Variants in SLC38A8 observed in about 807,000 individuals in gnomAD.
SLC38A8 encodes the protein solute carrier family 38 member 8.
Under a neutral mutation model 46.0 loss-of-function variants are expected in SLC38A8, and 65 were observed. The ratio of observed to expected loss-of-function variants is 1.41; its 90% CI spans 1.16 to 1.74. The LOEUF (loss-of-function observed/expected upper bound fraction) is 1.74, where lower values mean the gene tolerates loss of function less well. Among genes scored for constraint, SLC38A8 ranks in the 40% most tolerant of loss-of-function variants. The pLI is 0.00. For synonymous variants in SLC38A8, 447 were observed against 243.7 expected (o/e 1.83, Z -7.77); for missense variants, 998 against 567.9 (o/e 1.76, Z -7.70).
rs182508545 is a variant in SLC38A8, at chr16:84,042,168, G to A, written c.-2-9C>T. On this transcript the variant is annotated splice_polypyrimidine_tract_variant and intron_variant, in intron 1 of 10. Transcript: ENST00000299709. ...GGTCTGTCCCTCCATGGCTAGAGGC[G>A]GCAGAGGGGTGGAGAGAAAGCACAG... 3.4e-4 allele frequency: 552 copies of A among 1,602,494 alleles called. No homozygotes were observed. The African/African-American group carries it at 5.6e-3, about 16-fold the overall frequency.
intron 9 of SLC38A8, among the ~76,000 whole-genome samples, chr16:84,015,300 G>GCC (rs1265951920): frequency 6.6e-6 from 1 of 152,036 alleles, no homozygotes; most frequent in Non-Finnish European, 1.5e-5. Context: ...CATCCCTCCA[G>GCC]CCCCCACCTT....
chr16:84,023,873 G>C (rs997159356), intron 6 of SLC38A8, among the ~76,000 whole-genome samples: 1 of 152,218 alleles, frequency 6.6e-6, no homozygotes, highest in Non-Finnish European at 1.5e-5. Context: ...CAGCCTGAAA[G>C]ACACAGTGAC....
In SLC38A8 at chr16:84,016,411, A is replaced by C. The variant is rs1219471310; in HGVS notation, c.1162+108T>G. The C allele has an allele frequency of 2.3e-6, 3 of 1,313,806 alleles. No homozygotes were observed. The African/African-American group carries it at 4.4e-5, about 19-fold the overall frequency. 81.4% of individuals were successfully genotyped at this position (1,313,806 alleles called of 1,614,324 possible). ...CCTACATGGGGTCTTAATCCTACCC[A>C]TATGTGGCTCCCACCTTCCAGAACC... On this transcript the variant is annotated intron_variant, in intron 9 of 10. Transcript: ENST00000299709.
At chr16:84,026,041 T>C (rs1024792301) in intron 6 of SLC38A8, among the ~76,000 whole-genome samples, 6 of 152,230 alleles carry the variant, frequency 3.9e-5, no homozygotes, top group Admixed American at 3.3e-4. Context: ...CTCAGCCCCA[T>C]GGCAGGCTCT....
At chr16:84,032,636 C>G (rs890537651) in intron 4 of SLC38A8, among the ~76,000 whole-genome samples, 5 of 152,200 alleles carry the variant, frequency 3.3e-5, no homozygotes, top group Non-Finnish European at 5.9e-5. Context: ...ACAAGCCGCC[C>G]CCTGGCTTGG....
At chr16:84,030,263 G>C (rs1339850671) in intron 5 of SLC38A8, among the ~76,000 whole-genome samples, 1 of 152,108 alleles carries the variant, frequency 6.6e-6, no homozygotes, top group Non-Finnish European at 1.5e-5. Flanking sequence ...TCTTCGGAGG[G>C]AGCATGGCCT....
intron 7 of SLC38A8, among the ~76,000 whole-genome samples, chr16:84,020,868 C>G (rs969339762): frequency 2.0e-5 from 3 of 152,156 alleles, no homozygotes; most frequent in Non-Finnish European, 4.4e-5. Context: ...TTCCTATACG[C>G]GCTGCACTCT....
chr16:84,036,662 C>T (rs373876708), intron 3 of SLC38A8, 40 bp downstream of exon 3: 29 of 1,609,144 alleles, frequency 1.8e-5, no homozygotes, highest in Admixed American at 8.4e-5. Flanking sequence ...ATTAGAGGTC[C>T]GGCACCCTGG....
chr16:84,035,984 A>G lies in SLC38A8; in HGVS notation c.388+718T>C, dbSNP rs186451343. Among the ~76,000 whole-genome samples, 54 of 152,366 alleles carry G rather than the reference A, an allele frequency of 3.5e-4. 1 individual carries two copies. Among genetic ancestry groups the G allele is most frequent in the Middle Eastern group, 3.4e-3 (1 of 294 alleles). On this transcript the variant is annotated intron_variant, in intron 3 of 10. Coordinates refer to ENST00000299709, the MANE Select transcript of SLC38A8 (RefSeq NM_001080442.3). ...ACACTGTACCCAGCAACTGCAGAGT[A>G]CACATTCTCTGAAGAGCACACAAAG...
At position 84,037,023 on chromosome 16, in the gene SLC38A8, A is replaced by G. The variant is rs2326159; in HGVS notation, c.190-123T>C. 305,645 of 977,974 alleles carry G rather than the reference A, an allele frequency of 0.31. 52,062 individuals are homozygous for G. The highest frequency in any genetic ancestry group is 0.57 in the East Asian group (21,575 of 37,706). 60.6% of individuals were successfully genotyped at this position (977,974 alleles called of 1,614,324 possible). On this transcript the variant is annotated intron_variant, in intron 2 of 10. Transcript: ENST00000299709. The stretch of plus-strand genomic sequence containing the variant: ...TCCACAGAGGCCAGGGCTGCTGCCA[A>G]CATGGGGTTGGCAGTCTACCAGCTA...
intron 7 of SLC38A8, among the ~76,000 whole-genome samples, chr16:84,018,436 G>A (rs988696238): frequency 6.6e-6 from 1 of 151,882 alleles, no homozygotes; most frequent in African/African-American, 2.4e-5. Flanking sequence ...AGCCAGGATG[G>A]TCTCGATCTC....
intron 9 of SLC38A8, among the ~76,000 whole-genome samples, chr16:84,015,261 TAC>T (rs1868509856): frequency 6.6e-6 from 1 of 151,862 alleles, no homozygotes; most frequent in Non-Finnish European, 1.5e-5. Flanking sequence ...AGTGGGCCAC[TAC>T]AGTGTACCCT....
At chr16:84,013,194 G>A in intron 9 of SLC38A8, 142 bp from the exon 10 acceptor site, 1 of 810,764 alleles carries the variant, frequency 1.2e-6, no homozygotes, top group Non-Finnish European at 2.0e-6. Flanking sequence ...CCCTGGAGAG[G>A]CAACACAGTG....
chr16:84,028,580 A>AG (rs1019505632), intron 6 of SLC38A8, among the ~76,000 whole-genome samples: 17 of 151,232 alleles, frequency 1.1e-4, no homozygotes, highest in Non-Finnish European at 2.1e-4. Context: ...GAAAAAAAAA[A>AG]AAAGAAAGAA....
At position 84,042,110 on chromosome 16, in the gene SLC38A8, G is replaced by C. The variant is rs2085374853; in HGVS notation, c.48C>G (p.His16Gln). The change falls in exon 2 of 11, where the codon CAC (histidine) becomes CAG (glutamine). Residue 16 changes from histidine to glutamine, a missense_variant. His to Gln is a conservative substitution (Grantham distance 24, BLOSUM62 0). Transcript: ENST00000299709. ...ACAGAGTGGCAGCAGCCGTGGCAGG[G>C]TGAGGCTTTTCTGGAAGGCCCCTGC... Reference protein sequence around the residue: ...PGSRGLPEKPHPATAAATLSS... With the variant: ...PGSRGLPEKPQPATAAATLSS... 4.3e-6 allele frequency: 7 copies of C among 1,613,818 alleles called. No homozygotes were observed. Among genetic ancestry groups the C allele is most frequent in the African/African-American group, 4.0e-5 (3 of 74,926 alleles).
intron 2 of SLC38A8, chr16:84,040,928 C>G (rs1042258267): frequency 6.6e-6 from 1 of 152,298 alleles, no homozygotes; most frequent in Admixed American, 6.5e-5. Flanking sequence ...TCGGCCAACG[C>G]CAGGGGTGTC....
At chr16:84,037,582 G>A (rs367566121) in intron 2 of SLC38A8, among the ~76,000 whole-genome samples, 3 of 152,044 alleles carry the variant, frequency 2.0e-5, no homozygotes, top group Admixed American at 6.6e-5. Flanking sequence ...CCAACATGGA[G>A]AAACCCTGTC....
chr16:84,030,959 G>A (rs950280968), intron 5 of SLC38A8, among the ~76,000 whole-genome samples: 2 of 152,162 alleles, frequency 1.3e-5, no homozygotes, highest in East Asian at 1.9e-4. Context: ...CGGGATCTAG[G>A]CAGAGGCCTC....
chr16:84,015,153 G>C (rs570400422), intron 9 of SLC38A8, among the ~76,000 whole-genome samples: 1 of 152,138 alleles, frequency 6.6e-6, no homozygotes, highest in East Asian at 1.9e-4. Flanking sequence ...CACGGAACAC[G>C]CACTGAGGGA....
Sources: gnomAD v4.1 joint callset for allele counts (sites outside exome capture counted in the v4.1 genomes callset) on GRCh38, gnomAD v4.1.1 for gene constraint, MANE v1.5 for transcripts, NCBI Gene and HGNC (gene_info 2026-07-23, HGNC 2026-07-21) for gene names.